PCBP2: variants seen among roughly 807,000 people sequenced by gnomAD.
The protein encoded by PCBP2 is poly(rC) binding protein 2.
In PCBP2, 4 loss-of-function variants were observed where a neutral mutation model predicts 50.1. The ratio of observed to expected loss-of-function variants is 0.08; its 90% CI spans 0.04 to 0.18. The LOEUF (loss-of-function observed/expected upper bound fraction) is 0.18. Ranked by LOEUF, PCBP2 falls within the 10% of genes least tolerant of loss-of-function variation. PCBP2 has a pLI of 1.00. For synonymous variants in PCBP2, 179 were observed against 168.0 expected (o/e 1.07, Z -0.51); for missense variants, 161 against 474.3 (o/e 0.34, Z 6.14).
chr12:53,459,547 A>G (rs1941290796), intron 6 of PCBP2, 144 bp downstream of exon 6: 2 of 557,688 alleles, frequency 3.6e-6, no homozygotes, highest in Non-Finnish European at 6.0e-6. Context: ...TGTACTGAAA[A>G]TAAAACTCAT....
chr12:53,461,675 T>G (rs980585329), intron 7 of PCBP2, among the ~76,000 whole-genome samples: 1 of 152,162 alleles, frequency 6.6e-6, no homozygotes, highest in Non-Finnish European at 1.5e-5. Context: ...ATTTGTGATA[T>G]GGAGTTGGTT....
At chr12:53,455,224 T>C in intron 2 of PCBP2, 123 bp from the exon 3 acceptor site, 1 of 912,132 alleles carries the variant, frequency 1.1e-6, no homozygotes, top group Non-Finnish European at 1.7e-6. Context: ...GGCTAGACAG[T>C]TAAAATTCCT....
chr12:53,455,497 A>G lies in PCBP2; in HGVS notation c.126+4A>G, dbSNP rs1326318770. 12 of 1,613,808 alleles carry G rather than the reference A, an allele frequency of 7.4e-6. No homozygotes were observed. The highest frequency in any genetic ancestry group is 1.0e-5 in the Non-Finnish European group (12 of 1,179,792). The stretch of plus-strand genomic sequence containing the variant: ...AGTTAAGAAGATGCGCGAGGAGGTA[A>G]GTTATGAAAGACTGAGATTGTTAAC... On this transcript the variant is annotated splice_donor_region_variant and intron_variant, in intron 4 of 14. Transcript: ENST00000546463.
intron 13 of PCBP2, among the ~76,000 whole-genome samples, chr12:53,469,082 A>G (rs2137084958): frequency 6.6e-6 from 1 of 151,778 alleles, no homozygotes; most frequent in South Asian, 2.1e-4. Context: ...TTGTATTTTT[A>G]GTAGAGATGG....
At chr12:53,475,641 G>A (rs894829324) in intron 14 of PCBP2, 58 of 167,178 alleles carry the variant, frequency 3.5e-4, no homozygotes, top group Admixed American at 9.4e-4. Context: ...TAAAGTTGGC[G>A]CAGTAAGAAC....
At chr12:53,454,536 C>T (rs905234511) in intron 1 of PCBP2, 190 bp from the exon 2 acceptor site, 4 of 459,046 alleles carry the variant, frequency 8.7e-6, no homozygotes, top group African/African-American at 2.0e-5. Context: ...GGAAAGTTGC[C>T]TTCTATACTG....
intron 14 of PCBP2, among the ~76,000 whole-genome samples, chr12:53,474,685 A>G (rs970497174): frequency 6.6e-6 from 1 of 152,158 alleles, no homozygotes; most frequent in Non-Finnish European, 1.5e-5. Context: ...GGAAATATAC[A>G]TATTTAGAGG....
chr12:53,460,337 GT>G (rs1941366006), intron 6 of PCBP2: 2 of 364,220 alleles, frequency 5.5e-6, no homozygotes, highest in Non-Finnish European at 1.1e-5. Flanking sequence ...GTAGAGACGA[GT>G]CTCACTGTTT....
intron 9 of PCBP2, 116 bp from the exon 10 acceptor site, chr12:53,465,816 C>G (rs1302745760): frequency 1.0e-5 from 8 of 772,656 alleles, no homozygotes; most frequent in South Asian, 9.5e-5. Flanking sequence ...AATCTCTGGC[C>G]TCCCCCATTC....
At chr12:53,460,844 T>C in intron 6 of PCBP2, 171 bp from the exon 7 acceptor site, 1 of 603,788 alleles carries the variant, frequency 1.7e-6, no homozygotes, top group Non-Finnish European at 2.8e-6. Flanking sequence ...TTAACTCTAA[T>C]TCACTAAACA....
chr12:53,474,316 G>A (rs1233042439), intron 14 of PCBP2, among the ~76,000 whole-genome samples: 1 of 152,198 alleles, frequency 6.6e-6, no homozygotes, highest in African/African-American at 2.4e-5. Context: ...ATTAGTCAGT[G>A]ACCTACTTTG....
At chr12:53,465,742 A>G (rs1941773981) in intron 9 of PCBP2, among the ~76,000 whole-genome samples, 190 bp from the exon 10 acceptor site, 1 of 152,194 alleles carries the variant, frequency 6.6e-6, no homozygotes, top group Non-Finnish European at 1.5e-5. Context: ...ACAAAGTCAT[A>G]TTTAGGGTTC....
chr12:53,467,495 GAAAA>G (rs946937319), intron 11 of PCBP2: 48 of 624,536 alleles, frequency 7.7e-5, no homozygotes, highest in Non-Finnish European at 1.2e-4. Context: ...TATTCTAAAA[GAAAA>G]AAAAAGCCCT....
intron 14 of PCBP2, among the ~76,000 whole-genome samples, chr12:53,472,347 C>T (rs1029256821): frequency 2.2e-4 from 34 of 152,086 alleles, no homozygotes; most frequent in Non-Finnish European, 4.4e-5. Flanking sequence ...TGGAATGTTT[C>T]GGAAGTGTGA....
intron 6 of PCBP2, 110 bp downstream of exon 6, chr12:53,459,513 A>T: frequency 1.1e-6 from 1 of 881,192 alleles, no homozygotes; most frequent in East Asian, 2.7e-5. Flanking sequence ...TTGAAGTAAC[A>T]GTTCTAGAGG....
At chr12:53,462,354 C>T in intron 7 of PCBP2, 139 bp from the exon 8 acceptor site, 2 of 591,054 alleles carry the variant, frequency 3.4e-6, no homozygotes, top group Non-Finnish European at 5.9e-6. Context: ...GAGATTAGAT[C>T]TAGCCAGAGA....
chr12:53,464,862 G>T lies in PCBP2; in HGVS notation c.672+10G>T. The T allele has an allele frequency of 6.3e-7, 1 of 1,595,378 alleles. No individual in the cohort carries two copies. The highest frequency in any genetic ancestry group is 8.5e-7 in the Non-Finnish European group (1 of 1,173,892). On this transcript the variant is annotated intron_variant, in intron 9 of 14. Transcript: ENST00000546463. ...GGGACCACCTCTAGAGGTGAGAGGG[G>T]ATGTTCAGTCTCCAAGGCTCACTCA...
chr12:53,457,031 T>G (rs1941077593), intron 5 of PCBP2, among the ~76,000 whole-genome samples: 2 of 152,194 alleles, frequency 1.3e-5, no homozygotes, highest in South Asian at 4.1e-4. Context: ...GAACTAGTTC[T>G]TTTTTATACA....
intron 14 of PCBP2, among the ~76,000 whole-genome samples, 188 bp downstream of exon 14, chr12:53,471,995 A>T (rs554567988): frequency 1.0e-5 from 1 of 95,666 alleles, no homozygotes; most frequent in South Asian, 4.4e-4. Context: ...TAAGTTTTCA[A>T]GGGGTTGGTG....
Sources: gnomAD v4.1 joint callset for allele counts (sites outside exome capture counted in the v4.1 genomes callset) on GRCh38, gnomAD v4.1.1 for gene constraint, MANE v1.5 for transcripts, NCBI Gene and HGNC (gene_info 2026-07-23, HGNC 2026-07-21) for gene names.